CWF19L2: variants seen among roughly 807,000 people sequenced by gnomAD.
CWF19L2 encodes CWF19 like cell cycle control factor 2.
CWF19L2 carries 98 observed loss-of-function variants against 111.7 expected under a neutral mutation model. The ratio of observed to expected loss-of-function variants is 0.88; its 90% CI spans 0.75 to 1.04. The LOEUF (loss-of-function observed/expected upper bound fraction) is 1.04. Among genes scored for constraint, CWF19L2 ranks in the 50% least tolerant of loss-of-function variants. The pLI is 0.00. For synonymous variants in CWF19L2, 351 were observed against 342.9 expected, an observed-to-expected ratio of 1.02 and a Z score of -0.26; for missense variants, 1,101 against 1,051.4, an observed-to-expected ratio of 1.05 and a Z score of -0.65.
intron 5 of CWF19L2, 98 bp downstream of exon 5, chr11:107,441,405 A>G: frequency 9.7e-7 from 1 of 1,026,724 alleles, no homozygotes; most frequent in African/African-American, 1.6e-5. Context: ...TATAAAAAAT[A>G]AAATGGTATT....
rs748414109 is a variant in CWF19L2, at chr11:107,390,201, T to C, written c.1745A>G (p.His582Arg). 5 of 1,606,780 alleles carry C rather than the reference T, an allele frequency of 3.1e-6. No individual in the cohort carries two copies. Among genetic ancestry groups the C allele is most frequent in the South Asian group, 1.1e-5 (1 of 89,716 alleles). ...GTATCTGACCCTTTCTCTTTCCTCATGGGTTGAAACCTATGACAAAATGAA... is the reference window on the plus strand; with the variant it reads ...GTATCTGACCCTTTCTCTTTCCTCACGGGTTGAAACCTATGACAAAATGAA... Reference protein sequence around the residue: ...GRRKRQMVSTHEERERVRYFH... With the variant: ...GRRKRQMVSTREERERVRYFH... The change falls in exon 12 of 18, where the codon CAT becomes CGT. Residue 582 changes from histidine to arginine, a missense_variant. Coordinates refer to ENST00000282251, the MANE Select transcript of CWF19L2 (RefSeq NM_152434.3).
rs961176985 is a variant in CWF19L2 at position 107,409,328 on chromosome 11, T to A, written c.1617+6881A>T. Reference sequence around the variant, plus strand: ...ATCTGTTTATTTATTAATGTTTCTCTATGGCCCTTAGTTAATTCCTCAATT... The same window carrying A: ...ATCTGTTTATTTATTAATGTTTCTCAATGGCCCTTAGTTAATTCCTCAATT... On this transcript the variant is annotated intron_variant, in intron 10 of 17. Transcript: ENST00000282251. Among the ~76,000 whole-genome samples, 14 of 152,224 alleles carry A rather than the reference T, an allele frequency of 9.2e-5. No homozygotes were observed. The East Asian group carries it at 2.7e-3, about 29-fold the overall frequency.
chr11:107,454,655 C>A (rs1478380754), intron 2 of CWF19L2, 83 bp from the exon 3 acceptor site: 6 of 992,190 alleles, frequency 6.0e-6, no homozygotes, highest in African/African-American at 1.7e-5. Context: ...AAAAAATAAA[C>A]CACATTCTAA....
chr11:107,385,803 G>A (rs1338493925), intron 12 of CWF19L2, among the ~76,000 whole-genome samples: 1 of 152,246 alleles, frequency 6.6e-6, no homozygotes, highest in Admixed American at 6.5e-5. Context: ...GCACAACCAT[G>A]CTGTGTATGC....
rs1220774164 is a variant in CWF19L2, at chr11:107,457,740, CG to C, written c.76del (p.Arg26GlyfsTer38). The C allele has an allele frequency of 1.9e-6, 3 of 1,551,622 alleles. No individual in the cohort carries two copies. The highest frequency in any genetic ancestry group is 2.0e-5 in the Admixed American group (1 of 51,000). On this transcript the variant is annotated frameshift_variant, in exon 1 of 18. Coordinates refer to ENST00000282251, the MANE Select transcript of CWF19L2 (RefSeq NM_152434.3). LOFTEE classifies it high-confidence loss of function. ...KSIEERKEQT[R>X]NARAEVLRQA... ...GCGCAACACCTCGGCCCTGGCATTCCGGGTCTGTTCTTTCCGCTCTTCGATA... is the reference window on the plus strand; with the variant it reads ...GCGCAACACCTCGGCCCTGGCATTCCGGTCTGTTCTTTCCGCTCTTCGATA...
chr11:107,349,237 A>G (rs1393068726), intron 13 of CWF19L2, among the ~76,000 whole-genome samples, 184 bp from the exon 14 acceptor site: 1 of 152,200 alleles, frequency 6.6e-6, no homozygotes, highest in Admixed American at 6.6e-5. Context: ...GATATTTAGT[A>G]TTTTTAAAGG....
intron 8 of CWF19L2, among the ~76,000 whole-genome samples, chr11:107,419,150 T>C (rs1184207044): frequency 6.6e-6 from 1 of 152,228 alleles, no homozygotes; most frequent in Non-Finnish European, 1.5e-5. Flanking sequence ...CTGGCATTCC[T>C]GGGAACTGCT....
At chr11:107,347,125 T>C (rs965384332) in intron 14 of CWF19L2, among the ~76,000 whole-genome samples, 17 of 152,218 alleles carry the variant, frequency 1.1e-4, no homozygotes, top group African/African-American at 1.9e-4. Context: ...CAAGTTTCAT[T>C]ACATATTAAA....
chr11:107,447,477 A>C (rs1398230903), intron 3 of CWF19L2, among the ~76,000 whole-genome samples: 2 of 152,230 alleles, frequency 1.3e-5, no homozygotes, highest in African/African-American at 4.8e-5. Context: ...AAAGGGCTGG[A>C]AGACATTCTA....
At chr11:107,442,582 G>A (rs1049922148) in intron 4 of CWF19L2, among the ~76,000 whole-genome samples, 2 of 151,412 alleles carry the variant, frequency 1.3e-5, no homozygotes, top group African/African-American at 4.9e-5. Flanking sequence ...TACCAGGGAG[G>A]TCGAGGTGGG....
chr11:107,396,815 G>A (rs1199591655), intron 10 of CWF19L2, among the ~76,000 whole-genome samples: 1 of 152,150 alleles, frequency 6.6e-6, no homozygotes, highest in African/African-American at 2.4e-5. Flanking sequence ...TGCTACTCCT[G>A]CAGGACCCAG....
intron 17 of CWF19L2, among the ~76,000 whole-genome samples, chr11:107,327,752 T>C (rs1027782724): frequency 3.3e-5 from 5 of 151,962 alleles, no homozygotes; most frequent in Non-Finnish European, 7.4e-5. Flanking sequence ...CAGAAAGACA[T>C]GGGGGAGCCT....
intron 10 of CWF19L2, chr11:107,403,916 A>G: frequency 1.2e-6 from 1 of 822,154 alleles, no homozygotes; most frequent in Non-Finnish European, 2.1e-6. Flanking sequence ...TCACTGAGGA[A>G]CCATTAAGGA....
intron 12 of CWF19L2, among the ~76,000 whole-genome samples, chr11:107,357,345 C>T (rs968586506): frequency 2.6e-5 from 4 of 152,116 alleles, no homozygotes; most frequent in Admixed American, 1.3e-4. Context: ...ACAGTGGGAA[C>T]GCAGATATCT....
At chr11:107,427,588 A>G (rs1049693104) in intron 8 of CWF19L2, among the ~76,000 whole-genome samples, 3 of 152,110 alleles carry the variant, frequency 2.0e-5, no homozygotes, top group Non-Finnish European at 2.9e-5. Flanking sequence ...CAGTCACAGA[A>G]GAAGGCCTAC....
At chr11:107,431,880 G>C (rs1435074534) in intron 7 of CWF19L2, among the ~76,000 whole-genome samples, 2 of 151,970 alleles carry the variant, frequency 1.3e-5, no homozygotes, top group Non-Finnish European at 2.9e-5. Flanking sequence ...TCAATATATA[G>C]CAAACAACTA....
chr11:107,379,927 T>C (rs1860656416), intron 12 of CWF19L2, among the ~76,000 whole-genome samples: 1 of 151,434 alleles, frequency 6.6e-6, no homozygotes, highest in South Asian at 2.1e-4. Context: ...CGGGCATGGT[T>C]GCAGGCCCCT....
At chr11:107,394,577 C>G (rs1860895526) in intron 10 of CWF19L2, among the ~76,000 whole-genome samples, 1 of 152,220 alleles carries the variant, frequency 6.6e-6, no homozygotes, top group Non-Finnish European at 1.5e-5. Flanking sequence ...ACCTCTCTGA[C>G]ACATTCATTC....
At chr11:107,368,558 A>C (rs867959525) in intron 12 of CWF19L2, among the ~76,000 whole-genome samples, 1 of 138,130 alleles carries the variant, frequency 7.2e-6, no homozygotes, top group Non-Finnish European at 1.6e-5. Flanking sequence ...AGATATAAAG[A>C]TATAATGATT....
Sources: gnomAD v4.1 joint callset for allele counts (sites outside exome capture counted in the v4.1 genomes callset) on GRCh38, gnomAD v4.1.1 for gene constraint, MANE v1.5 for transcripts, NCBI Gene and HGNC (gene_info 2026-07-23, HGNC 2026-07-21) for gene names.